The following SGCE variants were observed in gnomAD, a reference collection of about 807,000 sequenced individuals.
The protein encoded by SGCE is epsilon-sarcoglycan.
A neutral mutation model predicts 57.8 loss-of-function variants in SGCE; 26 were observed. The observed-to-expected ratio is 0.45, with a 90% CI of 0.33 to 0.62. SGCE has a LOEUF of 0.62. Ranked by LOEUF, SGCE falls within the 20% of genes least tolerant of loss-of-function variation. The pLI, the probability that SGCE is intolerant of heterozygous loss-of-function variation, is 0.02. For synonymous variants in SGCE, 183 were observed against 189.5 expected (o/e 0.97, Z 0.28); for missense variants, 468 against 548.6 (o/e 0.85, Z 1.47).
At position 94,630,349 on chromosome 7, in the gene SGCE, G is replaced by A. The variant is rs571051658; in HGVS notation, c.110-508C>T. Reference sequence around the variant, plus strand: ...ATATAACACTATCAATACATGTAATGCGGTTTTTACGTATACTTATAAAAA... The same window carrying A: ...ATATAACACTATCAATACATGTAATACGGTTTTTACGTATACTTATAAAAA... On this transcript the variant is annotated intron_variant, in intron 1 of 10. Coordinates refer to ENST00000648936, the MANE Select transcript of SGCE (RefSeq NM_003919.3). Among the ~76,000 whole-genome samples, 3 of 151,628 alleles carry A rather than the reference G, an allele frequency of 2.0e-5. No homozygotes were observed. In the South Asian group the frequency reaches 6.2e-4, roughly 32 times the overall value.
intron 5 of SGCE, among the ~76,000 whole-genome samples, chr7:94,605,282 A>G (rs1799942638): frequency 6.6e-6 from 1 of 150,944 alleles, no homozygotes; most frequent in African/African-American, 2.4e-5. Context: ...AAATGTTAAA[A>G]TAACTTCTTT....
chr7:94,636,802 G>A (rs1486310989), intron 1 of SGCE, among the ~76,000 whole-genome samples: 4 of 152,124 alleles, frequency 2.6e-5, no homozygotes, highest in Non-Finnish European at 4.4e-5. Context: ...GGCAGCTCAC[G>A]CCTATAATCC....
intron 1 of SGCE, among the ~76,000 whole-genome samples, chr7:94,652,482 A>G (rs1384137433): frequency 6.6e-6 from 1 of 152,148 alleles, no homozygotes; most frequent in Non-Finnish European, 1.5e-5. Flanking sequence ...TTTCTTCACT[A>G]CTTCAATATT....
At chr7:94,615,426 A>G (rs940108051) in intron 5 of SGCE, among the ~76,000 whole-genome samples, 2 of 136,016 alleles carry the variant, frequency 1.5e-5, no homozygotes, top group Non-Finnish European at 3.5e-5. Context: ...AGATAGATAA[A>G]GGGCAATTCT....
At chr7:94,641,957 G>T (rs1806446331) in intron 1 of SGCE, among the ~76,000 whole-genome samples, 1 of 152,012 alleles carries the variant, frequency 6.6e-6, no homozygotes, top group Non-Finnish European at 1.5e-5. Flanking sequence ...CTAAAACCGA[G>T]GCTACCGATT....
At chr7:94,587,247 A>C in intron 10 of SGCE, 2 of 985,994 alleles carry the variant, frequency 2.0e-6, no homozygotes, top group East Asian at 1.1e-4. Context: ...ACTTGCTAAA[A>C]AATCTATGTG....
intron 5 of SGCE, among the ~76,000 whole-genome samples, chr7:94,607,436 T>C (rs367798581): frequency 9.2e-5 from 14 of 152,288 alleles, no homozygotes; most frequent in Admixed American, 2.6e-4. Flanking sequence ...TTCAACAATG[T>C]ATAAAAGGAA....
At chr7:94,642,691 AC>A (rs1419989376) in intron 1 of SGCE, among the ~76,000 whole-genome samples, 6 of 152,190 alleles carry the variant, frequency 3.9e-5, no homozygotes, top group Non-Finnish European at 7.3e-5. Context: ...TACAGGTACA[AC>A]CAATTTGTAA....
In SGCE at chr7:94,603,340, C is replaced by A; in HGVS notation, c.775G>T (p.Asp259Tyr). 1.2e-6 allele frequency: 2 copies of A among 1,612,610 alleles called. No individual in the cohort carries two copies. Among genetic ancestry groups the A allele is most frequent in the Non-Finnish European group, 1.7e-6 (2 of 1,179,082 alleles). The change falls in exon 6 of 11, where the codon GAT becomes TAT. Residue 259 changes from aspartate to tyrosine, a missense_variant. Physicochemically the swap from Asp to Tyr is radical, Grantham distance 160. Coordinates refer to ENST00000648936, the MANE Select transcript of SGCE (RefSeq NM_003919.3). ...TAAAATTGAGTACGAAATTTTTTATCACATGTTATTACAGGCTCCATTTCT... is the reference window on the plus strand; with the variant it reads ...TAAAATTGAGTACGAAATTTTTTATAACATGTTATTACAGGCTCCATTTCT... ...SQEMEPVITC[D>Y]KKFRTQFYID...
At chr7:94,655,082 G>T (rs917312378) in intron 1 of SGCE, among the ~76,000 whole-genome samples, 14 of 152,158 alleles carry the variant, frequency 9.2e-5, no homozygotes, top group Non-Finnish European at 1.8e-4. Flanking sequence ...AATATTTGTG[G>T]CCGAATCTCG....
At chr7:94,615,413 GATAGATAGATAA>G (rs761987743) in intron 5 of SGCE, among the ~76,000 whole-genome samples, 3,353 of 136,528 alleles carry the variant, frequency 0.025, 60 homozygotes, top group Non-Finnish European at 0.036. Context: ...TAGATAGATA[GATAGATAGATAA>G]AGGGCAATTC....
At chr7:94,597,936 G>C (rs887093524) in intron 9 of SGCE, 16 of 157,492 alleles carry the variant, frequency 1.0e-4, no homozygotes, top group Admixed American at 9.6e-4. Context: ...GAACCTGGGA[G>C]GCGGAGGCTG....
At chr7:94,648,414 A>G (rs1807422385) in intron 1 of SGCE, among the ~76,000 whole-genome samples, 1 of 151,118 alleles carries the variant, frequency 6.6e-6, no homozygotes, top group Non-Finnish European at 1.5e-5. Flanking sequence ...ACTAATTAGT[A>G]AAGATGACCA....
At chr7:94,639,241 C>A in intron 1 of SGCE, 1 of 740,440 alleles carries the variant, frequency 1.4e-6, no homozygotes, top group Non-Finnish European at 2.1e-6. Context: ...CTAACAACAA[C>A]AACAAAAAGC....
At chr7:94,594,650 A>G (rs1042546591) in intron 9 of SGCE, 2 of 152,130 alleles carry the variant, frequency 1.3e-5, no homozygotes, top group Non-Finnish European at 2.9e-5. Flanking sequence ...CATTGTGACA[A>G]ATGTACCATG....
At chr7:94,638,388 A>C (rs1805895627) in intron 1 of SGCE, among the ~76,000 whole-genome samples, 1 of 152,206 alleles carries the variant, frequency 6.6e-6, no homozygotes, top group African/African-American at 2.4e-5. Context: ...CAGCTATAAA[A>C]ATGTTAGTGA....
chr7:94,587,489 C>T (rs1229123993), intron 10 of SGCE: 24 of 1,282,694 alleles, frequency 1.9e-5, no homozygotes, highest in Non-Finnish European at 2.1e-5. Context: ...TCATTTCTAT[C>T]GTAGAAGTAT....
At chr7:94,599,226 C>A (rs1798857745) in intron 8 of SGCE, 1 of 351,754 alleles carries the variant, frequency 2.8e-6, no homozygotes, top group Admixed American at 4.4e-5. Flanking sequence ...TATTACTGTC[C>A]TAAGTAACCA....
intron 5 of SGCE, among the ~76,000 whole-genome samples, chr7:94,615,325 C>T (rs1021085908): frequency 6.6e-6 from 1 of 151,908 alleles, no homozygotes; most frequent in Non-Finnish European, 1.5e-5. Flanking sequence ...CACCACTGCA[C>T]TCTAGCCTGG....
Sources: allele counts gnomAD v4.1 joint callset (sites outside exome capture counted in the v4.1 genomes callset), GRCh38; gene constraint gnomAD v4.1.1; transcripts MANE v1.5; gene names NCBI Gene and HGNC (gene_info 2026-07-23, HGNC 2026-07-21).